VSTM1: variants seen among roughly 807,000 people sequenced by gnomAD.
VSTM1 encodes V-set and transmembrane domain containing 1.
VSTM1 carries 27 observed loss-of-function variants against 33.1 expected under a neutral mutation model. The ratio of observed to expected loss-of-function variants is 0.82; its 90% CI spans 0.60 to 1.12. The LOEUF (loss-of-function observed/expected upper bound fraction) is 1.12. Ranked by LOEUF, VSTM1 falls within the 50% of genes most tolerant of loss-of-function variation. The pLI is 0.00. For synonymous variants in VSTM1, 115 were observed against 110.3 expected (o/e 1.04, Z -0.27); for missense variants, 304 against 288.9 (o/e 1.05, Z -0.38).
chr19:54,054,848 AATGGATGG>A (rs74177847), intron 3 of VSTM1, among the ~76,000 whole-genome samples: 34,739 of 125,192 alleles, frequency 0.28, 8,348 homozygotes, highest in Non-Finnish European at 0.37. Context: ...TGGATAGATG[AATGGATGG>A]ATGGATGGAT....
chr19:54,046,397 G>A (rs1184607835), intron 4 of VSTM1, among the ~76,000 whole-genome samples: 1 of 152,028 alleles, frequency 6.6e-6, no homozygotes, highest in Non-Finnish European at 1.5e-5. Context: ...TATAAGGAGG[G>A]GGCAGAGAGC....
chr19:54,049,688 T>C (rs1220147506), intron 4 of VSTM1, among the ~76,000 whole-genome samples: 1 of 152,176 alleles, frequency 6.6e-6, no homozygotes, highest in African/African-American at 2.4e-5. Flanking sequence ...GTGAATTGTG[T>C]TCGTAGTGCT....
intron 3 of VSTM1, among the ~76,000 whole-genome samples, chr19:54,056,214 CTTTTTTTTT>C (rs869203085): frequency 2.6e-5 from 1 of 39,176 alleles, no homozygotes; most frequent in East Asian, 6.0e-4. Context: ...CTTTTCTTTT[CTTTTTTTTT>C]TTTTTTTTTT....
At chr19:54,041,738 G>A (rs1600101383) in intron 8 of VSTM1, 41 bp downstream of exon 8, 2 of 1,604,674 alleles carry the variant, frequency 1.2e-6, no homozygotes, top group East Asian at 4.5e-5. Context: ...GCCCATTGTG[G>A]TGAGGGAGCT....
chr19:54,048,759 C>T (rs578061955), intron 4 of VSTM1, among the ~76,000 whole-genome samples: 52 of 152,168 alleles, frequency 3.4e-4, no homozygotes, highest in Middle Eastern at 3.4e-3. Context: ...TCGCTTTAGC[C>T]AAGAGGTGCA....
At chr19:54,056,315 G>A (rs2071099991) in intron 3 of VSTM1, among the ~76,000 whole-genome samples, 1 of 128,352 alleles carries the variant, frequency 7.8e-6, no homozygotes, top group Admixed American at 8.6e-5. Flanking sequence ...TCTGCCTCTG[G>A]GGTTCAAGCA....
chr19:54,041,806 T>G lies in VSTM1; in HGVS notation c.564A>C (p.Leu188Phe). ...LPEQEAAEAD[L>F]SNMERVSLST... Reference sequence around the variant, plus strand: ...AGAGAGATACCCTTTCCATATTGGATAAATCTGCCTCTGAGTGAGAAAGGA... The same window carrying G: ...AGAGAGATACCCTTTCCATATTGGAGAAATCTGCCTCTGAGTGAGAAAGGA... The change falls in exon 8 of 9, where the codon TTA (leucine) becomes TTC (phenylalanine). Residue 188 changes from leucine to phenylalanine, a missense_variant. Physicochemically the swap from Leu to Phe is conservative, Grantham distance 22. Transcript: ENST00000338372. 1 of 1,613,378 alleles carries G rather than the reference T, an allele frequency of 6.2e-7. No individual in the cohort carries two copies. The highest frequency in any genetic ancestry group is 2.2e-5 in the East Asian group (1 of 44,844).
At chr19:54,047,610 T>A (rs116765087) in intron 4 of VSTM1, among the ~76,000 whole-genome samples, 2 of 152,030 alleles carry the variant, frequency 1.3e-5, no homozygotes, top group African/African-American at 4.8e-5. Flanking sequence ...ATTCTATCAG[T>A]GCATCTCCAA....
At chr19:54,044,990 G>A (rs1216905156) in intron 4 of VSTM1, among the ~76,000 whole-genome samples, 1 of 152,150 alleles carries the variant, frequency 6.6e-6, no homozygotes, top group Non-Finnish European at 1.5e-5. Flanking sequence ...GCTTCACCAA[G>A]ACCCCCGCTA....
In VSTM1 at chr19:54,042,171, C is replaced by G. The variant is rs1348498789; in HGVS notation, c.513G>C (p.Lys171Asn). Residue 171 changes from lysine (K) to asparagine (N), a missense_variant and splice_region_variant, in exon 6 of 9, where the codon AAG becomes AAC. By Grantham distance (94) the Lys-to-Asn change is moderately conservative. Transcript: ENST00000338372. ...QHSSSSEESTKRTSHSKLPEQ... is the reference protein window; with the variant it reads ...QHSSSSEESTNRTSHSKLPEQ... ...CATGAGCTATGCCAAGCATCTACCT[C>G]TTGGTGGATTCCTCAGATGATGAAC... 3.7e-6 allele frequency: 6 copies of G among 1,613,866 alleles called. No homozygotes were observed. The East Asian group carries it at 1.1e-4, about 30-fold the overall frequency.
At chr19:54,043,056 G>A (rs1442195977) in intron 4 of VSTM1, among the ~76,000 whole-genome samples, 5 of 151,284 alleles carry the variant, frequency 3.3e-5, no homozygotes, top group African/African-American at 1.2e-4. Flanking sequence ...GAGTAGAAAA[G>A]CTAAGAGAAG....
intron 4 of VSTM1, among the ~76,000 whole-genome samples, chr19:54,049,422 G>A (rs1275283843): frequency 6.6e-6 from 1 of 152,170 alleles, no homozygotes. Context: ...CTGGAATTAT[G>A]TAGTGGTGAT....
At chr19:54,055,395 T>C (rs2071041146) in intron 3 of VSTM1, 1 of 142,422 alleles carries the variant, frequency 7.0e-6, no homozygotes, top group East Asian at 2.0e-4. Context: ...ACCACCCTCA[T>C]AGGAAGTGAA....
intron 8 of VSTM1, 126 bp from the exon 9 acceptor site, chr19:54,041,206 C>G: frequency 1.1e-6 from 1 of 946,888 alleles, no homozygotes; most frequent in Non-Finnish European, 1.5e-6. Flanking sequence ...CTCGGTCACA[C>G]CAGATGCATT....
At chr19:54,063,294 C>T (rs985707375) in intron 1 of VSTM1, among the ~76,000 whole-genome samples, 2 of 152,076 alleles carry the variant, frequency 1.3e-5, no homozygotes, top group African/African-American at 4.8e-5. Context: ...GCCCAGATCA[C>T]GCCATTGCAC....
In VSTM1 at chr19:54,042,336, C is replaced by A; in HGVS notation, c.428G>T (p.Cys143Phe). ...TRTIFVAIFS[C>F]ISILLLFLSV... is the part of the protein sequence containing the mutation. Reference sequence around the variant, plus strand: ...GAGGAAGAGGAGAAGGATGGAGATGCAGCTGAAGATGGCGACAAAGATGGT... The same window carrying A: ...GAGGAAGAGGAGAAGGATGGAGATGAAGCTGAAGATGGCGACAAAGATGGT... The change falls in exon 5 of 9, where the codon TGC becomes TTC. Residue 143 changes from cysteine (C) to phenylalanine (F), a missense_variant. By Grantham distance (205) the Cys-to-Phe change is radical. Coordinates refer to ENST00000338372, the MANE Select transcript of VSTM1 (RefSeq NM_198481.4). 1 of 1,613,754 alleles carries A rather than the reference C, an allele frequency of 6.2e-7. No homozygotes were observed. The highest frequency in any genetic ancestry group is 8.5e-7 in the Non-Finnish European group (1 of 1,179,884).
chr19:54,042,819 T>TATATATGTATATATAC (rs2070374285), intron 4 of VSTM1, among the ~76,000 whole-genome samples: 1 of 50,328 alleles, frequency 2.0e-5, no homozygotes, highest in African/African-American at 7.5e-5. Context: ...TATATATATA[T>TATATATGTATATATAC]ATATATATAT....
intron 3 of VSTM1, among the ~76,000 whole-genome samples, chr19:54,056,983 G>A (rs1392378363): frequency 7.2e-6 from 1 of 139,852 alleles, no homozygotes; most frequent in African/African-American, 2.6e-5. Flanking sequence ...AGCCTCCCTA[G>A]TAGCTGGGAT....
chr19:54,041,719 A>C, intron 8 of VSTM1, 60 bp downstream of exon 8: 1 of 1,569,716 alleles, frequency 6.4e-7, no homozygotes, highest in Non-Finnish European at 8.7e-7. Context: ...CAGGAGGCAC[A>C]CACGACCAGC....
Sources: gnomAD v4.1 joint callset for allele counts (sites outside exome capture counted in the v4.1 genomes callset) on GRCh38, gnomAD v4.1.1 for gene constraint, MANE v1.5 for transcripts, NCBI Gene and HGNC (gene_info 2026-07-23, HGNC 2026-07-21) for gene names.